F3: variants seen among roughly 807,000 people sequenced by gnomAD.
F3 encodes the protein coagulation factor III, tissue factor, also known as tissue factor.
A neutral mutation model predicts 33.5 loss-of-function variants in F3; 18 were observed. The observed-to-expected ratio is 0.54, with a 90% CI of 0.37 to 0.80. The LOEUF (loss-of-function observed/expected upper bound fraction) is 0.80, where lower values mean the gene tolerates loss of function less well. Among genes scored for constraint, F3 ranks in the 30% least tolerant of loss-of-function variants. The pLI is 0.00. For synonymous variants in F3, 147 were observed against 140.7 expected (o/e 1.05, Z -0.32); for missense variants, 353 against 362.1 (o/e 0.97, Z 0.20).
chr1:94,541,541 A>C lies in F3; in HGVS notation c.96T>G (p.Ala32=), dbSNP rs1651777570. ...CCAGGGGCTGGTGCCACTCACCTGA[A>C]GCGCCGGCCACCTGGGCGAAGACCC... ...LGWVFAQVAG[A]SGTTNTVAAY... Residue 32 remains alanine (A), a synonymous_variant, in exon 1 of 6, where the codon GCT becomes GCG. Coordinates refer to ENST00000334047, the MANE Select transcript of F3 (RefSeq NM_001993.5). 4 of 1,492,926 alleles carry C rather than the reference A, an allele frequency of 2.7e-6. No individual in the cohort carries two copies. Among genetic ancestry groups the C allele is most frequent in the Non-Finnish European group, 3.6e-6 (4 of 1,122,364 alleles). The allele number at this position is 1,492,926 out of a possible 1,614,324, so 92.5% of individuals were successfully genotyped here. A position where few individuals can be genotyped will look rare whatever the true frequency, so the allele number is the denominator to read the frequency against.
At chr1:94,538,163 C>T (rs986720829) in intron 2 of F3, among the ~76,000 whole-genome samples, 1 of 152,210 alleles carries the variant, frequency 6.6e-6, no homozygotes, top group African/African-American at 2.4e-5. Flanking sequence ...CATTGCAAAA[C>T]CCTCTGATTT....
intron 1 of F3, 33 bp from the exon 2 acceptor site, chr1:94,540,401 T>A: frequency 6.9e-7 from 1 of 1,440,552 alleles, no homozygotes; most frequent in Non-Finnish European, 9.8e-7. Context: ...TATTATTACA[T>A]GCACTTCAGA....
intron 5 of F3, 26 bp from the exon 6 acceptor site, chr1:94,530,622 A>G (rs201816165): frequency 2.7e-5 from 44 of 1,600,538 alleles, no homozygotes; most frequent in Non-Finnish European, 3.6e-5. Context: ...CATCTAGTCA[A>G]CTTGGAGAGC....
rs1209780144 is a variant in F3 at position 94,533,088 on chromosome 1, A to G, written c.591+2T>C. 1 of 1,610,712 alleles carries G rather than the reference A, an allele frequency of 6.2e-7. No homozygotes were observed. The highest frequency in any genetic ancestry group is 1.1e-5 in the South Asian group (1 of 89,908). On this transcript the variant is annotated splice_donor_variant, in intron 4 of 5. Transcript: ENST00000334047. LOFTEE classifies it high-confidence loss of function. ...CATAAAAACAAATTAAAAAATGCTC[A>G]CCTTTCCTGAACTTGAAGATTTCCA... is the stretch of plus-strand genomic sequence containing the variant.
rs841691 is a variant in F3 at position 94,529,855 on chromosome 1, C to A, written c.*605G>T. 0.33 allele frequency: 50,078 copies of A among 151,810 alleles called. 8,633 individuals carry two copies. The highest frequency in any genetic ancestry group is 0.47 in the South Asian group (2,273 of 4,798). 9.4% of individuals were successfully genotyped at this position (151,810 alleles called of 1,614,324 possible). A position where few individuals can be genotyped will look rare whatever the true frequency, so the allele number is the denominator to read the frequency against. ...TTGGGAGGCCAAGGTGGGTGGATCACCTGAGGTCAGGAATTCAAGACCAGC... is the reference window on the plus strand; with the variant it reads ...TTGGGAGGCCAAGGTGGGTGGATCAACTGAGGTCAGGAATTCAAGACCAGC... On this transcript the variant is annotated 3_prime_UTR_variant, in exon 6 of 6. Transcript: ENST00000334047.
chr1:94,541,387 G>A, intron 1 of F3, 150 bp downstream of exon 1: 1 of 583,314 alleles, frequency 1.7e-6, no homozygotes. Flanking sequence ...GTTCATTCAA[G>A]CCGGGCTGGG....
chr1:94,535,446 G>A (rs1429452571), intron 3 of F3, among the ~76,000 whole-genome samples: 2 of 151,998 alleles, frequency 1.3e-5, no homozygotes, highest in Non-Finnish European at 2.9e-5. Flanking sequence ...GGCACATCAC[G>A]GAACTCAAAT....
At position 94,532,394 on chromosome 1, in the gene F3, G is replaced by A. The variant is rs756019695; in HGVS notation, c.678C>T (p.Pro226=). 1.5e-5 allele frequency: 24 copies of A among 1,614,184 alleles called. No homozygotes were observed. The highest frequency in any genetic ancestry group is 1.6e-4 in the Middle Eastern group (1 of 6,062). The part of the protein sequence containing the change: ...NYCFSVQAVI[P]SRTVNRKSTD... ...TACTCTTCCGGTTAACTGTTCGGGA[G>A]GGAATCACTGCTTGAACACTGAAAC... Residue 226 remains proline, a synonymous_variant, in exon 5 of 6, where the codon CCC becomes CCT. Coordinates refer to ENST00000334047, the MANE Select transcript of F3 (RefSeq NM_001993.5).
At chr1:94,533,412 C>A (rs950593815) in intron 3 of F3, 144 bp from the exon 4 acceptor site, 3 of 927,432 alleles carry the variant, frequency 3.2e-6, no homozygotes, top group Non-Finnish European at 4.8e-6. Flanking sequence ...GCAGGCGTGG[C>A]GGCCTGGAGC....
In F3 at chr1:94,536,145, T is replaced by C; in HGVS notation, c.232A>G (p.Lys78Glu). The change falls in exon 3 of 6, where the codon AAA (lysine) becomes GAA (glutamate). Residue 78 changes from lysine to glutamate, a missense_variant. Lys to Glu is a moderately conservative substitution (Grantham distance 56). Coordinates refer to ENST00000334047, the MANE Select transcript of F3 (RefSeq NM_001993.5). The part of the protein sequence containing the change: ...VQISTKSGDW[K>E]SKCFYTTDTE... ...TCTGTTGTGTAAAAGCATTTGCTTT[T>C]CCAATCTCCTGACTTAGTGCTAAAG... 6.2e-7 allele frequency: 1 copy of C among 1,614,120 alleles called. No individual in the cohort carries two copies. Among genetic ancestry groups the C allele is most frequent in the Non-Finnish European group, 8.5e-7 (1 of 1,180,022 alleles).
intron 3 of F3, 46 bp from the exon 4 acceptor site, chr1:94,533,314 C>A: frequency 2.5e-6 from 4 of 1,580,308 alleles, no homozygotes; most frequent in Non-Finnish European, 3.4e-6. Context: ...GAATTCTGTA[C>A]AAAGTCAAAT....
intron 3 of F3, among the ~76,000 whole-genome samples, chr1:94,534,206 C>G (rs1651524359): frequency 6.6e-6 from 1 of 152,154 alleles, no homozygotes; most frequent in Non-Finnish European, 1.5e-5. Flanking sequence ...TTTCTTTCCT[C>G]TAGCTTACTT....
intron 2 of F3, among the ~76,000 whole-genome samples, chr1:94,538,401 G>A (rs892727932): frequency 6.6e-6 from 1 of 152,254 alleles, no homozygotes; most frequent in African/African-American, 2.4e-5. Context: ...CTGCACAGCA[G>A]TAGTGTCCTG....
chr1:94,533,240 A>G lies in F3; in HGVS notation c.441T>C (p.Ser147=), dbSNP rs765759016. 1.2e-6 allele frequency: 2 copies of G among 1,612,710 alleles called. No individual in the cohort carries two copies. Among genetic ancestry groups the G allele is most frequent in the South Asian group, 2.2e-5 (2 of 90,482 alleles). ...ETNLGQPTIQ[S]FEQVGTKVNV... Reference sequence around the variant, plus strand: ...TCACTTTTGTTCCCACCTGTTCAAAACTCTGAATTGTTGGCTGTCCGAGGT... The same window carrying G: ...TCACTTTTGTTCCCACCTGTTCAAAGCTCTGAATTGTTGGCTGTCCGAGGT... Residue 147 remains serine (S), a synonymous_variant, in exon 4 of 6, where the codon AGT becomes AGC. Coordinates refer to ENST00000334047, the MANE Select transcript of F3 (RefSeq NM_001993.5).
Position 94,529,261 on chromosome 1 carries a change from T to TACAA in F3, c.*1195_*1198dup, listed in dbSNP as rs1263558710. On this transcript the variant is annotated 3_prime_UTR_variant, in exon 6 of 6. Transcript: ENST00000334047. ...CAGTCATTTACTGTAGTAGAGCTAA[T>TACAA]ACAAACACCAAATTGTACATAAATA... 6.6e-6 allele frequency: 1 copy of TACAA among 152,572 alleles called. No individual in the cohort carries two copies. The highest frequency in any genetic ancestry group is 6.5e-5 in the Admixed American group (1 of 15,276). 9.5% of individuals were successfully genotyped at this position (152,572 alleles called of 1,614,324 possible). A position where few individuals can be genotyped will look rare whatever the true frequency, so the allele number is the denominator to read the frequency against.
intron 4 of F3, 58 bp from the exon 5 acceptor site, chr1:94,532,538 A>T: frequency 1.3e-6 from 2 of 1,579,342 alleles, no homozygotes; most frequent in Admixed American, 3.5e-5. Flanking sequence ...TTTCCCCTTT[A>T]TTAAGTCACT....
chr1:94,534,258 T>C (rs576144676), intron 3 of F3, among the ~76,000 whole-genome samples: 2 of 152,238 alleles, frequency 1.3e-5, no homozygotes, highest in South Asian at 4.1e-4. Flanking sequence ...ACATGAAAAA[T>C]GTGTGTTAAT....
Position 94,541,689 on chromosome 1 carries a change from G to C in F3, c.-53C>G, listed in dbSNP as rs917691083. On this transcript the variant is annotated 5_prime_UTR_variant, in exon 1 of 6. Transcript: ENST00000334047. Reference sequence around the variant, plus strand: ...GGGTTCCGTGGCGCCCGTGGGGCTGGGGAGGTTGGGCTGAAGGCGCCCTGG... The same window carrying C: ...GGGTTCCGTGGCGCCCGTGGGGCTGCGGAGGTTGGGCTGAAGGCGCCCTGG... The C allele has an allele frequency of 8.0e-7, 1 of 1,255,956 alleles. No individual in the cohort carries two copies. Among genetic ancestry groups the C allele is most frequent in the Admixed American group, 3.8e-5 (1 of 26,150 alleles). 77.8% of individuals were successfully genotyped at this position (1,255,956 alleles called of 1,614,324 possible). A position where few individuals can be genotyped will look rare whatever the true frequency, so the allele number is the denominator to read the frequency against.
Position 94,530,495 on chromosome 1 carries a change from T to A in F3, c.853A>T (p.Ser285Cys), listed in dbSNP as rs1435230199. The change falls in exon 6 of 6, where the codon AGC (serine) becomes TGC (cysteine). Residue 285 changes from serine to cysteine, a missense_variant. By Grantham distance (112) the Ser-to-Cys change is moderately radical. Coordinates refer to ENST00000334047, the MANE Select transcript of F3 (RefSeq NM_001993.5). ...HKCRKAGVGQ[S>C]WKENSPLNVS is the part of the protein sequence containing the mutation. ...TTCAGTGGGGAGTTCTCCTTCCAGC[T>A]CTGCCCCACTCCTGCCTTTCTACAC... The A allele has an allele frequency of 6.2e-7, 1 of 1,614,032 alleles. No individual in the cohort carries two copies. Among genetic ancestry groups the A allele is most frequent in the African/African-American group, 1.3e-5 (1 of 74,920 alleles).
Sources: gnomAD v4.1 joint callset for allele counts (sites outside exome capture counted in the v4.1 genomes callset) on GRCh38, gnomAD v4.1.1 for gene constraint, MANE v1.5 for transcripts, NCBI Gene and HGNC (gene_info 2026-07-23, HGNC 2026-07-21) for gene names.